Variants in SYT14 observed in about 807,000 individuals in gnomAD.
SYT14 encodes the protein synaptotagmin 14.
Under a neutral mutation model 74.2 loss-of-function variants are expected in SYT14, and 32 were observed. That is an observed-to-expected ratio of 0.43 (90% CI 0.33 to 0.58). The LOEUF (loss-of-function observed/expected upper bound fraction) is 0.58. SYT14 is among the 20% of genes least tolerant of loss of function. The pLI is 0.05. For synonymous variants in SYT14, 298 were observed against 337.7 expected (o/e 0.88, Z 1.29); for missense variants, 791 against 981.8 (o/e 0.81, Z 2.60).
At position 210,094,241 on chromosome 1, in the gene SYT14, A is replaced by G. The variant is rs753308364; in HGVS notation, c.1313-81A>G. 113 of 1,595,480 alleles carry G rather than the reference A, an allele frequency of 7.1e-5. No homozygotes were observed. The Middle Eastern group carries it at 1.3e-3, about 19-fold the overall frequency. Reference sequence around the variant, plus strand: ...CATCAATTTTTTGATCCAGTTTTCAAAAGTTATTTACAATTATTGTAGACT... The same window carrying G: ...CATCAATTTTTTGATCCAGTTTTCAGAAGTTATTTACAATTATTGTAGACT... On this transcript the variant is annotated intron_variant, in intron 5 of 9. Transcript: ENST00000637265.
intron 2 of SYT14, among the ~76,000 whole-genome samples, chr1:210,008,724 C>T (rs1352344829): frequency 6.6e-6 from 1 of 152,106 alleles, no homozygotes; most frequent in African/African-American, 2.4e-5. Flanking sequence ...ATTTACTTTC[C>T]TGCAGTGGGT....
intron 1 of SYT14, 121 bp downstream of exon 1, chr1:209,938,398 AAG>A: frequency 1.0e-6 from 1 of 991,728 alleles, no homozygotes; most frequent in Non-Finnish European, 1.4e-6. Flanking sequence ...GAGCCGGCTG[AAG>A]ACGCGCGGGG....
chr1:209,949,225 G>A (rs1475463225), intron 1 of SYT14, among the ~76,000 whole-genome samples: 1 of 152,044 alleles, frequency 6.6e-6, no homozygotes, highest in Non-Finnish European at 1.5e-5. Flanking sequence ...ATTTAACCTG[G>A]AGAATGCATG....
chr1:210,133,850 T>C (rs1244411541), intron 7 of SYT14, among the ~76,000 whole-genome samples: 3 of 150,944 alleles, frequency 2.0e-5, no homozygotes, highest in Admixed American at 2.0e-4. Context: ...CTTTTTTTTT[T>C]TTTTTTGGAG....
At chr1:209,958,746 A>G (rs2079030342) in intron 2 of SYT14, among the ~76,000 whole-genome samples, 1 of 152,228 alleles carries the variant, frequency 6.6e-6, no homozygotes, top group Admixed American at 6.5e-5. Flanking sequence ...GGGTTTTCTC[A>G]GTAGACAGTT....
chr1:210,167,061 A>G (rs1031323024), exon 10 of SYT14: 1 of 152,170 alleles, frequency 6.6e-6, no homozygotes, highest in Non-Finnish European at 1.5e-5. Flanking sequence ...ATTCCTTTCT[A>G]TCACTGTTCA....
Position 210,138,020 on chromosome 1 carries a change from T to A in SYT14, c.2035-17701T>A, listed in dbSNP as rs555387518. 9.2e-5 allele frequency among the ~76,000 whole-genome samples: 14 copies of A among 152,212 alleles called. No individual in the cohort carries two copies. The East Asian group carries it at 2.5e-3, about 27-fold the overall frequency. On this transcript the variant is annotated intron_variant, in intron 7 of 9. Transcript: ENST00000637265. The stretch of plus-strand genomic sequence containing the variant: ...ATTTAAAATGGTAAATAAAAAAAAA[T>A]CAACATAAACACATGCTGTGTACTA...
chr1:210,044,695 T>C (rs991326539), intron 5 of SYT14, among the ~76,000 whole-genome samples: 6 of 152,234 alleles, frequency 3.9e-5, no homozygotes, highest in Admixed American at 6.5e-5. Context: ...TATTAGGCTC[T>C]TCTCATATTA....
At chr1:209,974,512 G>T (rs1387884603) in intron 2 of SYT14, among the ~76,000 whole-genome samples, 1 of 151,596 alleles carries the variant, frequency 6.6e-6, no homozygotes, top group Admixed American at 6.6e-5. Flanking sequence ...GTCAAAGATC[G>T]GGTGGTTGTA....
intron 2 of SYT14, among the ~76,000 whole-genome samples, chr1:209,993,660 C>T (rs1397423130): frequency 1.3e-5 from 2 of 152,124 alleles, no homozygotes; most frequent in East Asian, 1.9e-4. Context: ...GGGGGCCTGG[C>T]AGCCCGGAAC....
chr1:210,110,538 A>G (rs2082242115), intron 7 of SYT14, among the ~76,000 whole-genome samples: 1 of 152,206 alleles, frequency 6.6e-6, no homozygotes, highest in Non-Finnish European at 1.5e-5. Context: ...AGTATCCTCC[A>G]GGAAGAATTC....
intron 5 of SYT14, among the ~76,000 whole-genome samples, chr1:210,046,928 C>A (rs549435905): frequency 4.3e-4 from 65 of 152,236 alleles, no homozygotes; most frequent in Admixed American, 1.7e-3. Context: ...GTATTATCAT[C>A]CCCATTCTAT....
At chr1:210,106,260 T>C (rs1211594821) in intron 7 of SYT14, among the ~76,000 whole-genome samples, 1 of 152,128 alleles carries the variant, frequency 6.6e-6, no homozygotes, top group African/African-American at 2.4e-5. Context: ...CAAGCTGCAG[T>C]GCATGCCCAA....
intron 5 of SYT14, among the ~76,000 whole-genome samples, chr1:210,074,475 A>AC (rs1248803500): frequency 6.6e-6 from 1 of 152,216 alleles, no homozygotes; most frequent in African/African-American, 2.4e-5. Flanking sequence ...ATTGATACAA[A>AC]CATAGGCACT....
chr1:209,972,221 T>C (rs572357033), intron 2 of SYT14, among the ~76,000 whole-genome samples: 1 of 152,156 alleles, frequency 6.6e-6, no homozygotes, highest in South Asian at 2.1e-4. Flanking sequence ...TTCTATATAA[T>C]TGGTTGTAAT....
At chr1:210,131,740 T>C (rs1397036425) in intron 7 of SYT14, among the ~76,000 whole-genome samples, 3 of 152,190 alleles carry the variant, frequency 2.0e-5, no homozygotes, top group African/African-American at 7.2e-5. Context: ...TTATCCTTAA[T>C]GTATTAACTC....
At chr1:210,091,187 G>C (rs758272763) in intron 5 of SYT14, among the ~76,000 whole-genome samples, 1 of 152,070 alleles carries the variant, frequency 6.6e-6, no homozygotes, top group Non-Finnish European at 1.5e-5. Flanking sequence ...CTAAACTAGC[G>C]CCAGATGCCT....
At chr1:210,166,519 T>C (rs1220030943) in exon 10 of SYT14, 1 of 150,904 alleles carries the variant, frequency 6.6e-6, no homozygotes, top group Non-Finnish European at 1.5e-5. Context: ...TGAGCCAAGA[T>C]AGCGCCACTG....
intron 7 of SYT14, among the ~76,000 whole-genome samples, chr1:210,142,670 T>C (rs945958696): frequency 6.6e-6 from 1 of 152,066 alleles, no homozygotes; most frequent in African/African-American, 2.4e-5. Context: ...AGTTCAAAGA[T>C]TTAAAAGTAA....
Sources: allele counts gnomAD v4.1 joint callset (sites outside exome capture counted in the v4.1 genomes callset), GRCh38; gene constraint gnomAD v4.1.1; transcripts MANE v1.5; gene names NCBI Gene and HGNC (gene_info 2026-07-23, HGNC 2026-07-21).